Variants in CDH4 observed in about 807,000 individuals in gnomAD.
CDH4 encodes cadherin-4.
A neutral mutation model predicts 86.0 loss-of-function variants in CDH4; 33 were observed. That is an observed-to-expected ratio of 0.38 (90% confidence interval 0.29 to 0.51). The LOEUF is 0.51. CDH4 is among the 20% of genes least tolerant of loss of function. The pLI is 0.86. For missense variants in CDH4, 1,114 were observed against 1,307.4 expected, an observed-to-expected ratio of 0.85 and a Z score of 2.28; for synonymous variants, 555 against 549.4, an observed-to-expected ratio of 1.01 and a Z score of -0.14.
chr20:61,810,805 G>A lies in CDH4; in HGVS notation c.577-33863G>A, dbSNP rs760813618. On this transcript the variant is annotated intron_variant, in intron 4 of 15. Transcript: ENST00000614565. This position sits in a 1 kb window ranked among gnomAD's most constrained non-coding sequence, Gnocchi z 4.3. ...AACTCCTGGGACCCCCAGATGCCTC[G>A]GTGGTCACTTCTCCAGTCTCAGCTG... Among the ~76,000 whole-genome samples the A allele has an allele frequency of 3.9e-5, 6 of 152,194 alleles. 1 individual carries two copies. Among genetic ancestry groups the A allele is most frequent in the South Asian group, 4.1e-4 (2 of 4,830 alleles).
chr20:61,366,162 C>CT (rs2123327230), intron 2 of CDH4, among the ~76,000 whole-genome samples: 1 of 152,314 alleles, frequency 6.6e-6, no homozygotes, highest in African/African-American at 2.4e-5. Context: ...TGGAGAAAGG[C>CT]TGGAGTCTTT....
chr20:61,565,406 G>A (rs553214599), intron 2 of CDH4, among the ~76,000 whole-genome samples: 3 of 99,480 alleles, frequency 3.0e-5, no homozygotes, highest in Non-Finnish European at 6.4e-5. Flanking sequence ...TGGTGGTGGC[G>A]GTGCTCTTGC....
intron 2 of CDH4, among the ~76,000 whole-genome samples, chr20:61,701,409 G>A (rs182052102): frequency 6.6e-6 from 1 of 152,368 alleles, no homozygotes; most frequent in Admixed American, 6.5e-5. Context: ...TTCCCCACGG[G>A]TGAGTGAGTT....
intron 2 of CDH4, among the ~76,000 whole-genome samples, chr20:61,542,270 T>C (rs2086045293): frequency 6.6e-6 from 1 of 152,178 alleles, no homozygotes; most frequent in African/African-American, 2.4e-5. Flanking sequence ...GTGCTGACCT[T>C]CACATGTGGC....
At chr20:61,757,397 G>T (rs1186976102) in intron 3 of CDH4, among the ~76,000 whole-genome samples, 1 of 152,214 alleles carries the variant, frequency 6.6e-6, no homozygotes, top group Non-Finnish European at 1.5e-5. Flanking sequence ...CTTCTTTCAG[G>T]CCTGAGAAGT....
chr20:61,294,150 G>A (rs1031126912), intron 2 of CDH4, among the ~76,000 whole-genome samples: 9 of 152,128 alleles, frequency 5.9e-5, no homozygotes, highest in Non-Finnish European at 1.3e-4. Context: ...CAGACTGGCC[G>A]GGCCAGCCAC....
chr20:61,621,877 A>G (rs182253893), intron 2 of CDH4, among the ~76,000 whole-genome samples: 61 of 152,366 alleles, frequency 4.0e-4, no homozygotes, highest in South Asian at 2.1e-4. Flanking sequence ...GATCCCTAAT[A>G]TACATAGGTG....
rs934108060 is a variant in CDH4, at chr20:61,393,724, A to G, written c.169+138787A>G. On this transcript the variant is annotated intron_variant, in intron 2 of 15. Transcript: ENST00000614565. The surrounding 1 kb of genome is among the most constrained non-coding windows in gnomAD (Gnocchi z 4.3). ...CACGCCTCTGTTGTGTCAGGACAAG[A>G]TATGTAGCTGGCAGGGTTCTCATGA... Among the ~76,000 whole-genome samples the G allele has an allele frequency of 1.3e-5, 2 of 152,034 alleles. No individual in the cohort carries two copies. Among genetic ancestry groups the G allele is most frequent in the African/African-American group, 4.8e-5 (2 of 41,398 alleles).
chr20:61,662,861 C>A (rs920048673), intron 2 of CDH4, among the ~76,000 whole-genome samples: 1 of 152,164 alleles, frequency 6.6e-6, no homozygotes, highest in Non-Finnish European at 1.5e-5. Flanking sequence ...TGTCCGCCTA[C>A]AGGGTAGAGC....
At chr20:61,442,329 G>A (rs76894711) in intron 2 of CDH4, among the ~76,000 whole-genome samples, 6,741 of 152,244 alleles carry the variant, frequency 0.044, 515 homozygotes, top group African/African-American at 0.15. Context: ...CAGACCCTCC[G>A]AATACTCCAC....
intron 2 of CDH4, among the ~76,000 whole-genome samples, chr20:61,625,531 T>C (rs1367355937): frequency 3.3e-5 from 5 of 152,188 alleles, no homozygotes; most frequent in Non-Finnish European, 5.9e-5. Flanking sequence ...ATAACGATCA[T>C]CTGCTTATCA....
intron 7 of CDH4, among the ~76,000 whole-genome samples, chr20:61,889,727 A>G (rs1680436391): frequency 6.9e-6 from 1 of 145,500 alleles, no homozygotes; most frequent in Non-Finnish European, 1.5e-5. Context: ...GGATGGACAG[A>G]CAGATGGATG....
At chr20:61,617,477 C>T (rs574262572) in intron 2 of CDH4, among the ~76,000 whole-genome samples, 5 of 152,312 alleles carry the variant, frequency 3.3e-5, no homozygotes, top group South Asian at 2.1e-4. Context: ...AGGCTGAGAA[C>T]GTCCCCCCAT....
At chr20:61,268,982 C>T (rs982506458) in intron 2 of CDH4, among the ~76,000 whole-genome samples, 2 of 152,164 alleles carry the variant, frequency 1.3e-5, no homozygotes, top group Admixed American at 1.3e-4. Context: ...ACTCCTGCAT[C>T]CTGCAAATGT....
intron 3 of CDH4, among the ~76,000 whole-genome samples, chr20:61,744,248 C>G (rs6142846): frequency 0.54 from 81,474 of 151,408 alleles, 22,613 homozygotes; most frequent in African/African-American, 0.66. Flanking sequence ...GAGAGAATAA[C>G]AGAGAGGAAG....
intron 7 of CDH4, among the ~76,000 whole-genome samples, chr20:61,886,275 G>A (rs2146174002): frequency 6.6e-6 from 1 of 152,350 alleles, no homozygotes. Flanking sequence ...CCGATGCTGG[G>A]TATGGCCAGG....
At chr20:61,625,137 C>T (rs753072959) in intron 2 of CDH4, among the ~76,000 whole-genome samples, 1 of 152,208 alleles carries the variant, frequency 6.6e-6, no homozygotes, top group Admixed American at 6.5e-5. Context: ...AGAATCCCCA[C>T]AAAACTCACC....
At chr20:61,486,259 A>G (rs2085595952) in intron 2 of CDH4, among the ~76,000 whole-genome samples, 2 of 152,248 alleles carry the variant, frequency 1.3e-5, no homozygotes, top group South Asian at 4.1e-4. Context: ...ATCTGTGTGC[A>G]CAGCAGCCCT....
intron 2 of CDH4, among the ~76,000 whole-genome samples, chr20:61,376,415 C>T (rs1027438614): frequency 6.6e-6 from 1 of 151,988 alleles, no homozygotes; most frequent in African/African-American, 2.4e-5. Context: ...TCTGGCCAGG[C>T]CTGGGAAGGG....
Sources: gnomAD v4.1 joint callset for allele counts (sites outside exome capture counted in the v4.1 genomes callset) on GRCh38, gnomAD v4.1.1 for gene constraint, Gnocchi (gnomAD v3.1) non-coding constraint, MANE v1.5 for transcripts, NCBI Gene and HGNC (gene_info 2026-07-23, HGNC 2026-07-21) for gene names.